Variants in SEMA6D observed in about 807,000 individuals in gnomAD.
SEMA6D encodes the protein semaphorin-6D.
In SEMA6D, 35 loss-of-function variants were observed where a neutral mutation model predicts 106.6. The observed-to-expected ratio is 0.33, with a 90% CI of 0.25 to 0.44. SEMA6D has a LOEUF of 0.44. Among genes scored for constraint, SEMA6D ranks in the 20% least tolerant of loss-of-function variants. The pLI is 1.00. For synonymous variants in SEMA6D, 499 were observed against 487.7 expected (o/e 1.02, Z -0.31); for missense variants, 1,185 against 1,345.9 (o/e 0.88, Z 1.87).
At chr15:47,265,860 C>T (rs1384424921) in intron 1 of SEMA6D, among the ~76,000 whole-genome samples, 4 of 152,108 alleles carry the variant, frequency 2.6e-5, no homozygotes, top group African/African-American at 7.2e-5. Flanking sequence ...TGCTCTTGCT[C>T]CTCAGAGAGT....
intron 18 of SEMA6D, among the ~76,000 whole-genome samples, chr15:47,769,590 T>G (rs1031420216): frequency 1.3e-5 from 2 of 152,176 alleles, no homozygotes; most frequent in Non-Finnish European, 2.9e-5. Context: ...TCAAAGGCCT[T>G]AGTACTAACT....
At chr15:47,466,387 T>A (rs1162185835) in intron 2 of SEMA6D, among the ~76,000 whole-genome samples, 3 of 152,312 alleles carry the variant, frequency 2.0e-5, no homozygotes, top group Non-Finnish European at 4.4e-5. Context: ...AGTTTCTACC[T>A]ATAGGTGAGA....
intron 1 of SEMA6D, among the ~76,000 whole-genome samples, chr15:47,266,169 T>C (rs1042584024): frequency 6.6e-6 from 1 of 152,150 alleles, no homozygotes; most frequent in South Asian, 2.1e-4. Flanking sequence ...CAGTTTTGCC[T>C]ATCTCTCCAA....
At chr15:47,610,352 C>A (rs1027891427) in intron 4 of SEMA6D, among the ~76,000 whole-genome samples, 3 of 152,202 alleles carry the variant, frequency 2.0e-5, no homozygotes, top group African/African-American at 7.2e-5. Context: ...TCTACTGGAC[C>A]ACCACATAAG....
chr15:47,371,275 C>T (rs924192731), intron 1 of SEMA6D, among the ~76,000 whole-genome samples: 1 of 152,166 alleles, frequency 6.6e-6, no homozygotes, highest in Non-Finnish European at 1.5e-5. Flanking sequence ...AGTTTTCTGC[C>T]AGGTAAGGAT....
chr15:47,550,975 A>G (rs190735888), intron 3 of SEMA6D, among the ~76,000 whole-genome samples: 34 of 152,342 alleles, frequency 2.2e-4, no homozygotes, highest in Non-Finnish European at 3.8e-4. Context: ...ATTCCCCATA[A>G]CAGCATAATA....
intron 1 of SEMA6D, among the ~76,000 whole-genome samples, chr15:47,203,891 G>A (rs921940583): frequency 1.3e-5 from 2 of 152,160 alleles, no homozygotes; most frequent in African/African-American, 4.8e-5. Context: ...TCAGTGCTGT[G>A]TACCAGTATG....
At chr15:47,641,770 A>G (rs1191057738) in intron 4 of SEMA6D, among the ~76,000 whole-genome samples, 1 of 152,054 alleles carries the variant, frequency 6.6e-6, no homozygotes, top group East Asian at 1.9e-4. Context: ...TAGGTCTTGA[A>G]TCCACCACTC....
intron 1 of SEMA6D, among the ~76,000 whole-genome samples, chr15:47,720,485 G>A (rs1244070564): frequency 1.3e-5 from 2 of 152,066 alleles, no homozygotes; most frequent in African/African-American, 4.8e-5. Context: ...GGATTTGAAA[G>A]ATGGCTGTGA....
intron 1 of SEMA6D, among the ~76,000 whole-genome samples, chr15:47,728,002 T>G (rs191353289): frequency 1.8e-4 from 27 of 152,352 alleles, no homozygotes; most frequent in African/African-American, 5.8e-4. Flanking sequence ...GGGAAATGGT[T>G]TGGGTTGCAG....
intron 4 of SEMA6D, among the ~76,000 whole-genome samples, chr15:47,645,867 T>A (rs1447500143): frequency 6.6e-6 from 1 of 152,130 alleles, no homozygotes; most frequent in African/African-American, 2.4e-5. Flanking sequence ...TTTACCCATG[T>A]ATTATAAAGG....
intron 3 of SEMA6D, among the ~76,000 whole-genome samples, chr15:47,505,247 C>T (rs1370542921): frequency 6.6e-6 from 1 of 152,176 alleles, no homozygotes; most frequent in Non-Finnish European, 1.5e-5. Context: ...CCTTGCAGCT[C>T]TGCCAGCAGT....
intron 1 of SEMA6D, among the ~76,000 whole-genome samples, chr15:47,372,779 T>C (rs983852641): frequency 1.3e-5 from 2 of 152,212 alleles, no homozygotes; most frequent in African/African-American, 4.8e-5. Flanking sequence ...AGGATACTTA[T>C]AAATGTTATC....
At chr15:47,593,974 T>C (rs1196946705) in intron 3 of SEMA6D, among the ~76,000 whole-genome samples, 1 of 152,136 alleles carries the variant, frequency 6.6e-6, no homozygotes, top group Non-Finnish European at 1.5e-5. Flanking sequence ...TCTCCAACAT[T>C]GGGGATTACA....
intron 4 of SEMA6D, among the ~76,000 whole-genome samples, chr15:47,683,304 T>C (rs1164829532): frequency 6.6e-6 from 1 of 152,220 alleles, no homozygotes; most frequent in African/African-American, 2.4e-5. Context: ...TTTGAGAGCA[T>C]GCAGTATTTG....
chr15:47,373,048 T>C (rs2039329421), intron 1 of SEMA6D, among the ~76,000 whole-genome samples: 1 of 152,258 alleles, frequency 6.6e-6, no homozygotes, highest in Non-Finnish European at 1.5e-5. Context: ...TTACTTCCTC[T>C]GCCTGGCTTT....
chr15:47,752,182 A>C (rs990114494), intron 1 of SEMA6D, among the ~76,000 whole-genome samples: 4 of 152,228 alleles, frequency 2.6e-5, no homozygotes, highest in Admixed American at 2.0e-4. Context: ...TTATATTCTG[A>C]AAAGATCATT....
chr15:47,419,876 T>A (rs1411260932), intron 2 of SEMA6D, among the ~76,000 whole-genome samples: 6 of 152,112 alleles, frequency 3.9e-5, no homozygotes, highest in African/African-American at 7.2e-5. Context: ...AGATAAAAGA[T>A]GACCTGGAAG....
At chr15:47,622,010 C>T (rs892235412) in intron 4 of SEMA6D, among the ~76,000 whole-genome samples, 3 of 151,946 alleles carry the variant, frequency 2.0e-5, no homozygotes, top group South Asian at 2.1e-4. Context: ...TGGAGGGTTC[C>T]GTTCATGAGG....
Sources: gnomAD v4.1 joint callset for allele counts (sites outside exome capture counted in the v4.1 genomes callset) on GRCh38, gnomAD v4.1.1 for gene constraint, MANE v1.5 for transcripts, NCBI Gene and HGNC (gene_info 2026-07-23, HGNC 2026-07-21) for gene names.